Variants in OSBPL10 observed in about 807,000 individuals in gnomAD.
The protein encoded by OSBPL10 is oxysterol binding protein like 10, also known as oxysterol-binding protein-related protein 10.
A neutral mutation model predicts 81.7 loss-of-function variants in OSBPL10; 49 were observed. That is an observed-to-expected ratio of 0.60 (90% CI 0.48 to 0.76). The LOEUF is 0.76. Among genes scored for constraint, OSBPL10 ranks in the 30% least tolerant of loss-of-function variants. The probability of loss-of-function intolerance (pLI) is 0.00; values close to 1 mark genes in which losing one functional copy is unlikely to be tolerated. For synonymous variants in OSBPL10, 419 were observed against 383.6 expected (o/e 1.09, Z -1.08); for missense variants, 923 against 987.8 (o/e 0.93, Z 0.88).
intron 7 of OSBPL10, among the ~76,000 whole-genome samples, chr3:31,697,990 C>T (rs530133298): frequency 6.6e-6 from 1 of 152,064 alleles, no homozygotes; most frequent in East Asian, 2.0e-4. Flanking sequence ...TCTCGAACTC[C>T]TAACCTTGTA....
At chr3:31,989,564 A>G (rs750571902) in intron 2 of OSBPL10, 2 of 1,614,096 alleles carry the variant, frequency 1.2e-6, no homozygotes, top group Admixed American at 1.7e-5. Flanking sequence ...TTTCATTCGC[A>G]TCTTCCTGAA....
chr3:31,822,669 G>A (rs890525662), intron 4 of OSBPL10, among the ~76,000 whole-genome samples: 3 of 151,918 alleles, frequency 2.0e-5, no homozygotes, highest in Admixed American at 6.6e-5. Flanking sequence ...CAGCACTTCG[G>A]GAGGCCAAAG....
At chr3:31,752,558 C>G (rs555373531) in intron 4 of OSBPL10, among the ~76,000 whole-genome samples, 2 of 151,964 alleles carry the variant, frequency 1.3e-5, no homozygotes, top group African/African-American at 2.4e-5. Flanking sequence ...ATAACACATG[C>G]GTTACAAAAT....
intron 6 of OSBPL10, chr3:31,707,096 G>C (rs1349307153): frequency 5.3e-5 from 8 of 152,150 alleles, no homozygotes; most frequent in Non-Finnish European, 1.0e-4. Flanking sequence ...TTAATTCAGA[G>C]GACTGAATCC....
At chr3:31,719,679 C>G (rs1366001615) in intron 6 of OSBPL10, among the ~76,000 whole-genome samples, 3 of 151,994 alleles carry the variant, frequency 2.0e-5, no homozygotes, top group Non-Finnish European at 4.4e-5. Context: ...ATTTAAATTC[C>G]CACATTTGTT....
chr3:31,721,988 C>G (rs1696659151), intron 6 of OSBPL10, among the ~76,000 whole-genome samples: 1 of 152,096 alleles, frequency 6.6e-6, no homozygotes, highest in African/African-American at 2.4e-5. Context: ...ACAGCTGGGG[C>G]TCCAGAGAGA....
At chr3:31,812,126 G>A (rs1479894714) in intron 4 of OSBPL10, among the ~76,000 whole-genome samples, 2 of 152,156 alleles carry the variant, frequency 1.3e-5, no homozygotes, top group Admixed American at 6.5e-5. Flanking sequence ...CTGCCTCCCA[G>A]GTTCAAGCAA....
At chr3:31,855,142 C>T (rs1364877310) in intron 3 of OSBPL10, among the ~76,000 whole-genome samples, 1 of 152,188 alleles carries the variant, frequency 6.6e-6, no homozygotes, top group Admixed American at 6.5e-5. Context: ...CCTTCCACCT[C>T]GGCCTCCTAA....
rs765256154 is a variant in OSBPL10, at chr3:31,668,699, A to C, written c.2039T>G (p.Leu680Arg). ...TCTGATCTTCTTGGGATACACTGGC[A>C]GTGTGGTTGTGTCGATGACTTTGGT... ...GETKVIDTTT[L>R]PVYPKKIRPL... is the part of the protein sequence containing the mutation. Residue 680 changes from leucine to arginine, a missense_variant, in exon 10 of 12, where the codon CTG becomes CGG. Physicochemically the swap from Leu to Arg is moderately radical, Grantham distance 102. This residue lies in a region of OSBPL10 where 387 missense variants were observed against 436.3 expected (regional missense o/e 0.89). Transcript: ENST00000396556. 2 of 1,614,108 alleles carry C rather than the reference A, an allele frequency of 1.2e-6. No homozygotes were observed. The highest frequency in any genetic ancestry group is 1.7e-6 in the Non-Finnish European group (2 of 1,180,008).
intron 1 of OSBPL10, among the ~76,000 whole-genome samples, chr3:32,050,033 T>G (rs1201978861): frequency 6.6e-6 from 1 of 152,222 alleles, no homozygotes; most frequent in Non-Finnish European, 1.5e-5. Context: ...GTGAGGCTAG[T>G]CTTAAGCTGT....
At chr3:31,912,257 G>T (rs537478035) in intron 1 of OSBPL10, among the ~76,000 whole-genome samples, 6 of 152,136 alleles carry the variant, frequency 3.9e-5, no homozygotes, top group Admixed American at 2.0e-4. Context: ...AGCTGGGCGT[G>T]GTGGTGGATG....
At position 31,694,335 on chromosome 3, in the gene OSBPL10, C is replaced by T. The variant is rs566497919; in HGVS notation, c.1245+8024G>A. On this transcript the variant is annotated intron_variant, in intron 7 of 11. Transcript: ENST00000396556. ...GAAGTTAGCCGAGATCATGCTACTG[C>T]ACTCCAGCCTGGGTGACAGAGTAAG... Among the ~76,000 whole-genome samples, 30 of 129,984 alleles carry T rather than the reference C, an allele frequency of 2.3e-4. No individual in the cohort carries two copies. In the East Asian group the frequency reaches 6.5e-3, roughly 28 times the overall value. The allele number at this position is 129,984 out of a possible 152,430, so 85.3% of individuals were successfully genotyped here.
At chr3:31,820,369 G>A (rs1201187109) in intron 4 of OSBPL10, among the ~76,000 whole-genome samples, 2 of 150,786 alleles carry the variant, frequency 1.3e-5, no homozygotes, top group African/African-American at 4.8e-5. Flanking sequence ...GGCTGAGGCG[G>A]GTGGCTCATG....
intron 2 of OSBPL10, among the ~76,000 whole-genome samples, chr3:31,997,988 C>G (rs1474187349): frequency 6.6e-6 from 1 of 151,898 alleles, no homozygotes; most frequent in Admixed American, 6.6e-5. Context: ...AGACTGGGTC[C>G]CACTCTGTTG....
intron 4 of OSBPL10, among the ~76,000 whole-genome samples, chr3:31,812,745 A>AGAAG: frequency 3.6e-5 from 1 of 27,398 alleles, no homozygotes; most frequent in Non-Finnish European, 6.4e-5. Flanking sequence ...AAAGAAAGAA[A>AGAAG]GAAAGAAAGA....
At chr3:31,794,522 C>A in intron 4 of OSBPL10, 1 of 315,016 alleles carries the variant, frequency 3.2e-6, no homozygotes, top group Non-Finnish European at 6.4e-6. Flanking sequence ...GTGACCCTTG[C>A]AGACATGGCT....
intron 4 of OSBPL10, among the ~76,000 whole-genome samples, chr3:31,782,562 C>T (rs181545264): frequency 6.6e-6 from 1 of 152,248 alleles, no homozygotes; most frequent in Admixed American, 6.5e-5. Flanking sequence ...GACTAATATG[C>T]AGAATGCATA....
chr3:32,058,623 A>T (rs1314487749), intron 1 of OSBPL10, among the ~76,000 whole-genome samples: 1 of 151,864 alleles, frequency 6.6e-6, no homozygotes, highest in African/African-American at 2.4e-5. Flanking sequence ...CACCCCACCC[A>T]GCCTGAACTA....
At chr3:31,946,095 C>T (rs1176020427) in intron 1 of OSBPL10, among the ~76,000 whole-genome samples, 3 of 152,070 alleles carry the variant, frequency 2.0e-5, no homozygotes, top group African/African-American at 7.2e-5. Context: ...ATTCTCCTGC[C>T]TCAGCCTCCT....
Sources: gnomAD v4.1 joint callset for allele counts (sites outside exome capture counted in the v4.1 genomes callset) on GRCh38, gnomAD v4.1.1 for gene constraint, gnomAD v4.1.1 regional missense constraint, MANE v1.5 for transcripts, NCBI Gene and HGNC (gene_info 2026-07-23, HGNC 2026-07-21) for gene names.